Variants in AUTS2 observed in about 807,000 individuals in gnomAD.
AUTS2 encodes the protein activator of transcription and developmental regulator AUTS2.
AUTS2 carries 17 observed loss-of-function variants against 112.4 expected under a neutral mutation model. The observed-to-expected ratio is 0.15, with a 90% CI of 0.10 to 0.23. The LOEUF is 0.23. AUTS2 is among the 10% of genes least tolerant of loss of function. The pLI is 1.00. For synonymous variants in AUTS2, 751 were observed against 702.7 expected, an observed-to-expected ratio of 1.07 and a Z score of -1.09; for missense variants, 1,510 against 1,701.6, an observed-to-expected ratio of 0.89 and a Z score of 1.98.
At chr7:70,013,634 G>A (rs1398314241) in intron 2 of AUTS2, among the ~76,000 whole-genome samples, 2 of 152,222 alleles carry the variant, frequency 1.3e-5, no homozygotes, top group Non-Finnish European at 2.9e-5. Flanking sequence ...CAAATTTACT[G>A]TCTGCCATAG....
rs753506410 is a variant in AUTS2 at position 70,698,543 on chromosome 7, CT to C, written c.691-20del. 41 of 1,586,494 alleles carry C rather than the reference CT, an allele frequency of 2.6e-5. No individual in the cohort carries two copies. The African/African-American group carries it at 4.4e-4, about 17-fold the overall frequency. On this transcript the variant is annotated intron_variant, in intron 5 of 18. Transcript: ENST00000342771. ...GACAATATTAATGACAATAATAATG[CT>C]TTTTTCCCCCTTCTTGTTTTTCAGG...
At chr7:70,573,835 T>C (rs1201421015) in intron 5 of AUTS2, among the ~76,000 whole-genome samples, 1 of 152,058 alleles carries the variant, frequency 6.6e-6, no homozygotes, top group Non-Finnish European at 1.5e-5. Flanking sequence ...GAAAAATGCT[T>C]GGTTTTCTCC....
At chr7:70,446,261 C>T (rs1796313942) in intron 5 of AUTS2, among the ~76,000 whole-genome samples, 1 of 152,180 alleles carries the variant, frequency 6.6e-6, no homozygotes. Context: ...CCTGAAGCAG[C>T]CATGTCCATG....
intron 1 of AUTS2, among the ~76,000 whole-genome samples, chr7:69,615,655 G>A (rs1793333208): frequency 1.3e-5 from 2 of 152,148 alleles, no homozygotes. Flanking sequence ...TATTTCAGCT[G>A]TACTCTTATT....
At chr7:70,517,838 A>G (rs1043410761) in intron 5 of AUTS2, among the ~76,000 whole-genome samples, 12 of 152,084 alleles carry the variant, frequency 7.9e-5, no homozygotes, top group Non-Finnish European at 1.6e-4. Context: ...ATATACCCAC[A>G]CACACATACA....
chr7:70,770,614 C>T (rs1445399062), intron 10 of AUTS2, among the ~76,000 whole-genome samples: 1 of 152,128 alleles, frequency 6.6e-6, no homozygotes, highest in East Asian at 1.9e-4. Flanking sequence ...CAATTGTGTC[C>T]TTTTATAGGC....
At position 70,441,180 on chromosome 7, in the gene AUTS2, T is replaced by C. The variant is rs183892362; in HGVS notation, c.690+5399T>C. On this transcript the variant is annotated intron_variant, in intron 5 of 18. Coordinates refer to ENST00000342771, the MANE Select transcript of AUTS2 (RefSeq NM_015570.4). ...AATCCTTCTCCTTTTCCTATCAATCTTTTAACATGACTCCTGATTGCAGTT... is the reference window on the plus strand; with the variant it reads ...AATCCTTCTCCTTTTCCTATCAATCCTTTAACATGACTCCTGATTGCAGTT... Among the ~76,000 whole-genome samples, 12 of 152,304 alleles carry C rather than the reference T, an allele frequency of 7.9e-5. No individual in the cohort carries two copies. In the East Asian group the frequency reaches 1.4e-3, roughly 17 times the overall value.
chr7:70,659,869 C>G (rs560478967), intron 5 of AUTS2, among the ~76,000 whole-genome samples: 1 of 152,056 alleles, frequency 6.6e-6, no homozygotes, highest in Admixed American at 6.6e-5. Context: ...CATGCAGTCC[C>G]GGGCTGTCAG....
intron 2 of AUTS2, among the ~76,000 whole-genome samples, chr7:70,012,506 C>T (rs1799850714): frequency 6.6e-6 from 1 of 152,104 alleles, no homozygotes; most frequent in Admixed American, 6.5e-5. Flanking sequence ...TCTTGTTATT[C>T]TCTCACTTGC....
At chr7:69,709,932 A>G (rs1798241414) in intron 1 of AUTS2, among the ~76,000 whole-genome samples, 1 of 152,098 alleles carries the variant, frequency 6.6e-6, no homozygotes, top group Non-Finnish European at 1.5e-5. Context: ...CCCTTCAAAA[A>G]TTTTCTTAAA....
intron 4 of AUTS2, among the ~76,000 whole-genome samples, chr7:70,362,066 T>C (rs1045646260): frequency 2.6e-5 from 4 of 152,150 alleles, no homozygotes; most frequent in Non-Finnish European, 5.9e-5. Flanking sequence ...AAAAATTTCT[T>C]AGAATTGAAA....
In AUTS2 at chr7:70,061,263, C is replaced by G. The variant is rs115357247; in HGVS notation, c.523-56869C>G. On this transcript the variant is annotated intron_variant, in intron 2 of 18. Transcript: ENST00000342771. ...AAGTGAAATCATGTCTGTGAAGTCC[C>G]TAGTAGCCTGCCTGGCATACATGGA... Among the ~76,000 whole-genome samples the G allele has an allele frequency of 5.1e-3, 773 of 152,210 alleles. 13 individuals are homozygous for G. Among genetic ancestry groups the G allele is most frequent in the African/African-American group, 0.017 (722 of 41,546 alleles).
intron 4 of AUTS2, among the ~76,000 whole-genome samples, chr7:70,407,868 C>T (rs554140929): frequency 3.3e-5 from 5 of 152,126 alleles, no homozygotes; most frequent in South Asian, 4.2e-4. Flanking sequence ...TCCTGGCTAA[C>T]ACGGTGAAAC....
intron 1 of AUTS2, among the ~76,000 whole-genome samples, chr7:69,724,706 C>G (rs527556090): frequency 1.3e-5 from 2 of 152,102 alleles, no homozygotes; most frequent in Admixed American, 1.3e-4. Context: ...TGATCATTGT[C>G]CCCCCTTTTG....
chr7:69,839,095 G>A (rs1241868902), intron 1 of AUTS2, among the ~76,000 whole-genome samples: 3 of 152,118 alleles, frequency 2.0e-5, no homozygotes, highest in African/African-American at 4.8e-5. Context: ...AATCAGAATC[G>A]GGTATGTGTT....
At chr7:70,294,606 T>C (rs887370600) in intron 4 of AUTS2, among the ~76,000 whole-genome samples, 5 of 152,216 alleles carry the variant, frequency 3.3e-5, no homozygotes, top group African/African-American at 1.2e-4. Flanking sequence ...CAAAATGCCC[T>C]GATGTTCCTA....
chr7:70,130,964 A>G (rs1466332354), intron 3 of AUTS2, among the ~76,000 whole-genome samples: 19 of 152,310 alleles, frequency 1.2e-4, no homozygotes, highest in African/African-American at 4.6e-4. Context: ...CTAAACATGG[A>G]TGGATATTAT....
chr7:70,228,482 A>T (rs1811885029), intron 4 of AUTS2, among the ~76,000 whole-genome samples: 1 of 150,288 alleles, frequency 6.7e-6, no homozygotes, highest in Non-Finnish European at 1.5e-5. Flanking sequence ...TTTTTTGTTC[A>T]GTTGATTTTC....
chr7:69,865,543 C>A (rs1793183937), intron 1 of AUTS2, among the ~76,000 whole-genome samples: 1 of 152,120 alleles, frequency 6.6e-6, no homozygotes, highest in Non-Finnish European at 1.5e-5. Context: ...TATTCCTCTT[C>A]CCCTGTTGCA....
Sources: allele counts gnomAD v4.1 joint callset (sites outside exome capture counted in the v4.1 genomes callset), GRCh38; gene constraint gnomAD v4.1.1; transcripts MANE v1.5; gene names NCBI Gene and HGNC (gene_info 2026-07-23, HGNC 2026-07-21).